STAB2: variants seen among roughly 807,000 people sequenced by gnomAD.
STAB2 encodes stabilin 2, also known as stabilin-2.
Under a neutral mutation model 338.1 loss-of-function variants are expected in STAB2, and 288 were observed. The observed-to-expected ratio is 0.85, with a 90% CI of 0.77 to 0.94. STAB2 has a LOEUF of 0.94. Ranked by LOEUF, STAB2 falls within the 40% of genes least tolerant of loss-of-function variation. STAB2 has a pLI of 0.00. For missense variants in STAB2, 3,141 were observed against 3,210.1 expected, an observed-to-expected ratio of 0.98 and a Z score of 0.52; for synonymous variants, 1,202 against 1,193.3, an observed-to-expected ratio of 1.01 and a Z score of -0.15.
intron 25 of STAB2, among the ~76,000 whole-genome samples, chr12:103,681,196 T>C (rs1386662644): frequency 6.6e-6 from 1 of 152,306 alleles, no homozygotes; most frequent in African/African-American, 2.4e-5. Flanking sequence ...GGAGTCTTAA[T>C]TGTGAAAAAG....
At chr12:103,673,843 C>G in intron 22 of STAB2, 64 bp from the exon 23 acceptor site, 1 of 1,543,772 alleles carries the variant, frequency 6.5e-7, no homozygotes, top group Admixed American at 1.8e-5. Context: ...CTCCAGGGTG[C>G]TCTGCCTCAG....
chr12:103,688,341 C>T, intron 28 of STAB2, 126 bp downstream of exon 28: 2 of 908,514 alleles, frequency 2.2e-6, no homozygotes, highest in Admixed American at 3.7e-5. Context: ...CAGTGTTTCT[C>T]AACGCTGGCT....
intron 3 of STAB2, among the ~76,000 whole-genome samples, chr12:103,599,858 T>C (rs1295377556): frequency 6.6e-6 from 1 of 152,204 alleles, no homozygotes; most frequent in Non-Finnish European, 1.5e-5. Flanking sequence ...GTTTCTCAGA[T>C]CACCAGTGGG....
intron 66 of STAB2, 42 bp from the exon 67 acceptor site, chr12:103,762,232 A>T (rs1483314697): frequency 2.5e-6 from 4 of 1,607,256 alleles, no homozygotes; most frequent in Non-Finnish European, 3.4e-6. Context: ...TTGGGGAGTC[A>T]GAAGTTTTAA....
chr12:103,672,733 G>A (rs1875935515), intron 22 of STAB2, among the ~76,000 whole-genome samples: 1 of 152,108 alleles, frequency 6.6e-6, no homozygotes, highest in African/African-American at 2.4e-5. Context: ...ACATGCATAG[G>A]AACCTGAGTC....
intron 20 of STAB2, chr12:103,669,219 T>G: frequency 3.1e-6 from 1 of 319,662 alleles, no homozygotes. Flanking sequence ...CACCGTTCTC[T>G]GAAATGATCT....
At chr12:103,737,916 A>C in intron 53 of STAB2, 136 bp downstream of exon 53, 1 of 1,141,196 alleles carries the variant, frequency 8.8e-7, no homozygotes. Context: ...CCTGAGGGCC[A>C]AATGATGTAG....
intron 3 of STAB2, among the ~76,000 whole-genome samples, chr12:103,614,247 G>A (rs1010152492): frequency 4.6e-5 from 7 of 152,102 alleles, no homozygotes; most frequent in Non-Finnish European, 7.4e-5. Context: ...CCATTTTGAG[G>A]TGTACCCTGT....
At chr12:103,608,083 C>A (rs1319094754) in intron 3 of STAB2, among the ~76,000 whole-genome samples, 3 of 152,166 alleles carry the variant, frequency 2.0e-5, no homozygotes, top group Admixed American at 6.5e-5. Context: ...GCCATTCTAA[C>A]TGGTGTGAGA....
At chr12:103,603,223 A>G (rs187740889) in intron 3 of STAB2, among the ~76,000 whole-genome samples, 53 of 152,170 alleles carry the variant, frequency 3.5e-4, no homozygotes, top group South Asian at 1.5e-3. Flanking sequence ...GGCACCCGCA[A>G]CCACGCCTGG....
chr12:103,601,077 C>G (rs1156582862), intron 3 of STAB2, among the ~76,000 whole-genome samples: 1 of 152,190 alleles, frequency 6.6e-6, no homozygotes, highest in Non-Finnish European at 1.5e-5. Flanking sequence ...AATGGGAATC[C>G]TTATCTCTGA....
intron 2 of STAB2, among the ~76,000 whole-genome samples, chr12:103,591,399 C>T (rs182192396): frequency 3.3e-5 from 5 of 152,230 alleles, no homozygotes; most frequent in East Asian, 1.9e-4. Context: ...GCACGAGAAT[C>T]GCTTGAACCC....
intron 36 of STAB2, 53 bp from the exon 37 acceptor site, chr12:103,705,579 C>A: frequency 6.5e-7 from 1 of 1,542,720 alleles, no homozygotes; most frequent in Non-Finnish European, 8.9e-7. Flanking sequence ...CTTTCGGAGA[C>A]TGGAAAACTT....
At chr12:103,621,888 A>G (rs977163959) in intron 4 of STAB2, among the ~76,000 whole-genome samples, 154 bp from the exon 5 acceptor site, 4 of 152,258 alleles carry the variant, frequency 2.6e-5, no homozygotes, top group African/African-American at 9.6e-5. Flanking sequence ...TAATGCATGC[A>G]ATGATAACAC....
chr12:103,750,218 A>G (rs1344695534), intron 59 of STAB2, among the ~76,000 whole-genome samples: 2 of 152,180 alleles, frequency 1.3e-5, no homozygotes, highest in Non-Finnish European at 2.9e-5. Flanking sequence ...ACAAGTAGAG[A>G]GAGGGGGCAA....
intron 31 of STAB2, among the ~76,000 whole-genome samples, chr12:103,695,286 C>A (rs80027290): frequency 0.06 from 9,147 of 152,244 alleles, 892 homozygotes; most frequent in African/African-American, 0.21. Context: ...AGCTGAAAGT[C>A]TTTCGTGCAA....
In STAB2 at chr12:103,726,276, C is replaced by A. The variant is rs564284306; in HGVS notation, c.4851+113C>A. 6.1e-4 allele frequency: 646 copies of A among 1,066,780 alleles called. 1 individual carries two copies. Among genetic ancestry groups the A allele is most frequent in the Non-Finnish European group, 8.5e-4 (605 of 714,974 alleles). The allele number at this position is 1,066,780 out of a possible 1,614,324, so 66.1% of individuals were successfully genotyped here. ...GGCCAAGGCGGGCAGATTGCCTGAGCTCAGGAGTTCGAGACCAGTCTGGGG... is the reference window on the plus strand; with the variant it reads ...GGCCAAGGCGGGCAGATTGCCTGAGATCAGGAGTTCGAGACCAGTCTGGGG... On this transcript the variant is annotated intron_variant, in intron 46 of 68. Coordinates refer to ENST00000388887, the MANE Select transcript of STAB2 (RefSeq NM_017564.10).
At chr12:103,760,246 A>G (rs751367343) in intron 65 of STAB2, among the ~76,000 whole-genome samples, 2 of 152,086 alleles carry the variant, frequency 1.3e-5, no homozygotes, top group Non-Finnish European at 2.9e-5. Flanking sequence ...TAATGCCACA[A>G]TGGTGTGTGG....
chr12:103,652,683 G>A lies in STAB2; in HGVS notation c.1385G>A (p.Gly462Glu). 1 of 1,600,258 alleles carries A rather than the reference G, an allele frequency of 6.2e-7. No individual in the cohort carries two copies. The highest frequency in any genetic ancestry group is 8.5e-7 in the Non-Finnish European group (1 of 1,174,486). Residue 462 changes from glycine to glutamate, a missense_variant, in exon 12 of 69, where the codon GGG becomes GAG. Coordinates refer to ENST00000388887, the MANE Select transcript of STAB2 (RefSeq NM_017564.10). ...DMFYTLTGKS[G>E]EIFNSDKDNQ... ...TTCTACACCTTGACTGGAAAGTCGG[G>A]GGAAATCTTCAACAGCGATAAGGTA...
Sources: gnomAD v4.1 joint callset for allele counts (sites outside exome capture counted in the v4.1 genomes callset) on GRCh38, gnomAD v4.1.1 for gene constraint, MANE v1.5 for transcripts, NCBI Gene and HGNC (gene_info 2026-07-23, HGNC 2026-07-21) for gene names.